The following STK36 variants were observed in gnomAD, a reference collection of about 807,000 sequenced individuals.
The protein encoded by STK36 is serine/threonine kinase 36.
A neutral mutation model predicts 142.2 loss-of-function variants in STK36; 116 were observed. That is an observed-to-expected ratio of 0.82 (90% CI 0.70 to 0.95). STK36 has a LOEUF of 0.95. Among genes scored for constraint, STK36 ranks in the 40% least tolerant of loss-of-function variants. The pLI is 0.00. For missense variants in STK36, 1,422 were observed against 1,617.2 expected (o/e 0.88, Z 2.07); for synonymous variants, 619 against 641.7 (o/e 0.96, Z 0.53).
chr2:218,698,845 C>T lies in STK36; in HGVS notation c.3301C>T (p.Gln1101Ter). 1 of 1,614,234 alleles carries T rather than the reference C, an allele frequency of 6.2e-7. No individual in the cohort carries two copies. The highest frequency in any genetic ancestry group is 8.5e-7 in the Non-Finnish European group (1 of 1,180,054). The part of the protein sequence containing the change: ...VLSPSHLSFI[Q>*]ELLAGSDESY... ...GTCTCCCAGCCACTTGTCCTTTATCCAAGAGCTTCTGGCTGGCTCTGATGA... is the reference window on the plus strand; with the variant it reads ...GTCTCCCAGCCACTTGTCCTTTATCTAAGAGCTTCTGGCTGGCTCTGATGA... The change falls in exon 26 of 27, where the codon CAA (glutamine) becomes TAA (stop). Residue 1101 changes from glutamine (Q) to a stop codon, truncating the protein, a stop_gained. Transcript: ENST00000295709. LOFTEE classifies it high-confidence loss of function.
chr2:218,690,588 T>G lies in STK36; in HGVS notation c.1764+33T>G, dbSNP rs377333906. The stretch of plus-strand genomic sequence containing the variant: ...GCTCCCACTTCCAGATTTCTGTGTC[T>G]CCTATCATTCTCCGTGTTTCTCCCA... On this transcript the variant is annotated intron_variant, in intron 14 of 26. Transcript: ENST00000295709. The G allele has an allele frequency of 1.4e-5, 22 of 1,520,728 alleles. No individual in the cohort carries two copies. The African/African-American group carries it at 2.7e-4, about 19-fold the overall frequency. 94.2% of individuals were successfully genotyped at this position (1,520,728 alleles called of 1,614,324 possible).
In STK36 at chr2:218,676,295, G is replaced by A. The variant is rs1238296799; in HGVS notation, c.684+17G>A. The A allele has an allele frequency of 6.2e-7, 1 of 1,612,774 alleles. No homozygotes were observed. Among genetic ancestry groups the A allele is most frequent in the Admixed American group, 1.7e-5 (1 of 59,940 alleles). ...TGCTTTAAGGTAATGAATATTGAAA[G>A]GGAGATGACTTTTACATTAGAAATC... On this transcript the variant is annotated intron_variant, in intron 6 of 26. Transcript: ENST00000295709.
At chr2:218,700,647 C>T (rs1474430275) in intron 26 of STK36, among the ~76,000 whole-genome samples, 6 of 151,398 alleles carry the variant, frequency 4.0e-5, no homozygotes, top group East Asian at 2.0e-4. Context: ...GTGATCCACC[C>T]GCCTCAGCCT....
In STK36 at chr2:218,692,708, C is replaced by T. The variant is rs780337920; in HGVS notation, c.2041C>T (p.Gln681Ter). Residue 681 changes from glutamine (Q) to a stop codon, truncating the protein, a stop_gained and splice_region_variant, in exon 16 of 27, where the codon CAG becomes TAG. Coordinates refer to ENST00000295709, the MANE Select transcript of STK36 (RefSeq NM_015690.5). LOFTEE classifies it high-confidence loss of function. Reference protein sequence around the residue: ...GLPDCWDAKEQVCWHLANQLT... With the variant: ...GLPDCWDAKE Reference sequence around the variant, plus strand: ...GCCCGACTGCTGGGATGCCAAGGAGCAGGTCCGAGCTACAATTGGTTGTTC... The same window carrying T: ...GCCCGACTGCTGGGATGCCAAGGAGTAGGTCCGAGCTACAATTGGTTGTTC... The T allele has an allele frequency of 3.1e-6, 5 of 1,611,450 alleles. No individual in the cohort carries two copies. Among genetic ancestry groups the T allele is most frequent in the Non-Finnish European group, 4.2e-6 (5 of 1,179,312 alleles).
At chr2:218,674,607 A>G (rs1408597349) in intron 4 of STK36, among the ~76,000 whole-genome samples, 2 of 152,090 alleles carry the variant, frequency 1.3e-5, no homozygotes, top group East Asian at 3.9e-4. Context: ...TTTTTAATTG[A>G]ATTTTATTTT....
At position 218,699,230 on chromosome 2, in the gene STK36, T is replaced by TA. The variant is rs753063678; in HGVS notation, c.3687dup (p.Gln1230ThrfsTer48). ...CCTGAAGGTTTGGGAGAGGAGCTGT[T>TA]ACAGTGCGAAGTACCCCAGCGGCTC... is the stretch of plus-strand genomic sequence containing the variant. On this transcript the variant is annotated frameshift_variant, in exon 26 of 27. Transcript: ENST00000295709. LOFTEE classifies it high-confidence loss of function. 5 of 1,613,884 alleles carry TA rather than the reference T, an allele frequency of 3.1e-6. No individual in the cohort carries two copies. In the South Asian group the frequency reaches 3.3e-5, roughly 11 times the overall value.
Position 218,701,899 on chromosome 2 carries a change from T to C in STK36, c.3838T>C (p.Ser1280Pro), listed in dbSNP as rs147792143. 3.5e-3 allele frequency: 5,617 copies of C among 1,614,150 alleles called. 16 individuals carry two copies. Among genetic ancestry groups the C allele is most frequent in the Non-Finnish European group, 4.4e-3 (5,170 of 1,180,008 alleles). ...GTCCCTGGGTGCCAGTGAGAAACTA[T>C]CCTTGCTCTCTCTGGGGAATCAGTC... is the stretch of plus-strand genomic sequence containing the variant. ...LVSLGASEKL[S>P]LLSLGNQSLP... Residue 1280 changes from serine to proline, a missense_variant, in exon 27 of 27, where the codon TCC becomes CCC. Ser to Pro is a moderately conservative substitution (Grantham distance 74). Coordinates refer to ENST00000295709, the MANE Select transcript of STK36 (RefSeq NM_015690.5).
chr2:218,682,476 GATTA>G (rs1272623875), intron 10 of STK36, among the ~76,000 whole-genome samples: 8 of 152,122 alleles, frequency 5.3e-5, no homozygotes, highest in Non-Finnish European at 8.8e-5. Flanking sequence ...TGTTATAATA[GATTA>G]ATTAAACTAA....
rs750221151 is a variant in STK36, at chr2:218,690,553, A to T, written c.1762A>T (p.Met588Leu). The T allele has an allele frequency of 1.9e-5, 31 of 1,611,960 alleles. No individual in the cohort carries two copies. Among genetic ancestry groups the T allele is most frequent in the Non-Finnish European group, 2.6e-5 (31 of 1,178,018 alleles). The change falls in exon 14 of 27, where the codon ATG (methionine) becomes TTG (leucine). Residue 588 changes from methionine to leucine, a missense_variant and splice_region_variant. This residue lies in a region of STK36 where 962 missense variants were observed against 1,167.5 expected (regional missense o/e 0.82). Coordinates refer to ENST00000295709, the MANE Select transcript of STK36 (RefSeq NM_015690.5). ...GCAGACTTTGCGGAGGGACAGCCTT[A>T]TGGTAATCTGCTCCCACTTCCAGAT... The part of the protein sequence containing the change: ...SEQTLRRDSL[M>L]CFTVLCEAMD...
intron 3 of STK36, 52 bp downstream of exon 3, chr2:218,673,817 A>T: frequency 6.2e-7 from 1 of 1,613,784 alleles, no homozygotes; most frequent in Non-Finnish European, 8.5e-7. Context: ...GGGTTCCAGG[A>T]ATTTCCCAAC....
chr2:218,699,082 G>A lies in STK36; in HGVS notation c.3538G>A (p.Ala1180Thr), dbSNP rs776816616. The A allele has an allele frequency of 4.3e-6, 7 of 1,613,926 alleles. No homozygotes were observed. In the South Asian group the frequency reaches 7.7e-5, roughly 18 times the overall value. Residue 1180 changes from alanine to threonine, a missense_variant, in exon 26 of 27, where the codon GCC (alanine) becomes ACC (threonine). Transcript: ENST00000295709. ...TGCCAGCTTTGCTGTGGGCAATGCA[G>A]CCTACCAGGCTGGTCCTCTGGGACC... ...CSASFAVGNA[A>T]YQAGPLGPAL...
rs754895472 is a variant in STK36, at chr2:218,693,821, G to A, written c.2247G>A (p.Lys749=). The change falls in exon 18 of 27, where the codon AAG becomes AAA. Residue 749 remains lysine (K), a splice_region_variant and synonymous_variant. Transcript: ENST00000295709. ...LESLFMLIQG[K]VKVVDWEEST... is the part of the protein sequence containing the mutation. ...CCCTGTTTATGTTGATTCAGGGCAA[G>A]GTAAGCCAGCTTCCCCTGGCAGCCC... 1 of 1,614,198 alleles carries A rather than the reference G, an allele frequency of 6.2e-7. No homozygotes were observed.
At position 218,672,825 on chromosome 2, in the gene STK36, C is replaced by G. The variant is rs768412752; in HGVS notation, c.-5C>G. ...TTCCTTCTAAGAGATCCTGAAACCT[C>G]TGTCATGGAAAAGTACCACGTGTTG... On this transcript the variant is annotated 5_prime_UTR_variant, in exon 2 of 27. Coordinates refer to ENST00000295709, the MANE Select transcript of STK36 (RefSeq NM_015690.5). The G allele has an allele frequency of 6.2e-7, 1 of 1,613,984 alleles. No homozygotes were observed. The highest frequency in any genetic ancestry group is 2.2e-5 in the East Asian group (1 of 44,872).
At chr2:218,693,677 C>A in intron 17 of STK36, 46 bp from the exon 18 acceptor site, 1 of 1,561,172 alleles carries the variant, frequency 6.4e-7, no homozygotes, top group Non-Finnish European at 8.7e-7. Context: ...TCTTGGAGCC[C>A]GGGGCCTGCC....
intron 11 of STK36, among the ~76,000 whole-genome samples, chr2:218,687,396 T>C (rs1279647103): frequency 6.6e-6 from 1 of 152,238 alleles, no homozygotes; most frequent in Admixed American, 6.5e-5. Flanking sequence ...TACATGTAGG[T>C]TTCTGATCCA....
At chr2:218,679,455 ATCT>A (rs1239707186) in intron 7 of STK36, 102 bp from the exon 8 acceptor site, 29 of 1,414,308 alleles carry the variant, frequency 2.1e-5, no homozygotes, top group Non-Finnish European at 2.8e-5. Context: ...TTTCAAAATG[ATCT>A]TCTTCCACAG....
At chr2:218,690,246 G>A (rs549056442) in intron 13 of STK36, among the ~76,000 whole-genome samples, 56 of 151,906 alleles carry the variant, frequency 3.7e-4, no homozygotes, top group African/African-American at 8.4e-4. Flanking sequence ...AAGAAAGAAA[G>A]AAAAAAAATA....
intron 6 of STK36, among the ~76,000 whole-genome samples, chr2:218,677,199 C>G (rs1940294087): frequency 6.6e-6 from 1 of 152,214 alleles, no homozygotes; most frequent in Non-Finnish European, 1.5e-5. Context: ...TCCCAAAGTG[C>G]TGGGATCATA....
chr2:218,693,227 T>G lies in STK36; in HGVS notation c.2044-13T>G. 6.2e-7 allele frequency: 1 copy of G among 1,612,048 alleles called. No individual in the cohort carries two copies. The highest frequency in any genetic ancestry group is 1.1e-5 in the South Asian group (1 of 91,000). ...ATGTGGATAGGATTGAGCCTTCAGG[T>G]ATGTCTCTATAGGTCTGTTGGCATT... On this transcript the variant is annotated splice_polypyrimidine_tract_variant and intron_variant, in intron 16 of 26. Transcript: ENST00000295709.
Sources: gnomAD v4.1 joint callset for allele counts (sites outside exome capture counted in the v4.1 genomes callset) on GRCh38, gnomAD v4.1.1 for gene constraint, gnomAD v4.1.1 regional missense constraint, MANE v1.5 for transcripts, NCBI Gene and HGNC (gene_info 2026-07-23, HGNC 2026-07-21) for gene names.